Variants in PRKAR1A observed in about 807,000 individuals in gnomAD.
The protein encoded by PRKAR1A is protein kinase cAMP-dependent type I regulatory subunit alpha.
Under a neutral mutation model 52.0 loss-of-function variants are expected in PRKAR1A, and 3 were observed. That is an observed-to-expected ratio of 0.06 (90% CI 0.03 to 0.15). The LOEUF (loss-of-function observed/expected upper bound fraction) is 0.15, where lower values mean the gene tolerates loss of function less well. Among genes scored for constraint, PRKAR1A ranks in the 10% least tolerant of loss-of-function variants. PRKAR1A has a pLI of 1.00. For synonymous variants in PRKAR1A, 188 were observed against 168.4 expected (o/e 1.12, Z -0.90); for missense variants, 240 against 477.4 (o/e 0.50, Z 4.63).
At chr17:68,463,654 A>G in the PRKAR1A span, among the ~76,000 whole-genome samples, 1 of 152,098 alleles carries the variant, frequency 6.6e-6, no homozygotes, top group African/African-American at 2.4e-5. Flanking sequence ...GTGGGCAGGG[A>G]AGGCCCCACT....
chr17:68,501,101 CCTT>C, the PRKAR1A span, among the ~76,000 whole-genome samples: 26,098 of 152,074 alleles, frequency 0.17, 2,549 homozygotes, highest in African/African-American at 0.26. Context: ...GCATACTCCT[CCTT>C]GACGGTGGAT....
At chr17:68,500,440 A>G in the PRKAR1A span, among the ~76,000 whole-genome samples, 2 of 151,818 alleles carry the variant, frequency 1.3e-5, no homozygotes, top group African/African-American at 4.8e-5. Flanking sequence ...CATGATTGTG[A>G]GGCCTCCCAG....
chr17:68,479,477 G>A, the PRKAR1A span, among the ~76,000 whole-genome samples: 1,724 of 152,150 alleles, frequency 0.011, 37 homozygotes, highest in African/African-American at 0.038. Context: ...CATCAGTTTT[G>A]GATGCTATCA....
chr17:68,466,620 C>A, the PRKAR1A span, among the ~76,000 whole-genome samples: 38 of 151,928 alleles, frequency 2.5e-4, no homozygotes, highest in African/African-American at 8.7e-4. Context: ...CCATGTTGAC[C>A]AGGCTTCTCT....
the PRKAR1A span, among the ~76,000 whole-genome samples, chr17:68,444,873 C>T: frequency 1.3e-5 from 2 of 151,302 alleles, no homozygotes. Context: ...CTCCCTCCCT[C>T]TCTTCCTTCT....
chr17:68,416,527 G>A, the PRKAR1A span, among the ~76,000 whole-genome samples: 1 of 152,148 alleles, frequency 6.6e-6, no homozygotes, highest in South Asian at 2.1e-4. Context: ...AGCAAGGCCA[G>A]GGAAGTTTTC....
At chr17:68,486,561 CTT>C in the PRKAR1A span, among the ~76,000 whole-genome samples, 16 of 128,184 alleles carry the variant, frequency 1.2e-4, no homozygotes, top group African/African-American at 4.2e-4. Context: ...TTCTTTCTTT[CTT>C]TCTTTCTTCT....
At chr17:68,430,256 G>A in the PRKAR1A span, 12 of 1,255,374 alleles carry the variant, frequency 9.6e-6, no homozygotes, top group South Asian at 2.9e-5. Context: ...CACACTCCCC[G>A]CAGCAGGGAG....
At position 68,530,939 on chromosome 17, in the gene PRKAR1A, A is replaced by G. The variant is rs1042229326; in HGVS notation, c.*490A>G. 1.8e-6 allele frequency: 2 copies of G among 1,097,190 alleles called. No homozygotes were observed. The highest frequency in any genetic ancestry group is 3.2e-5 in the African/African-American group (2 of 62,016). 68.0% of individuals were successfully genotyped at this position (1,097,190 alleles called of 1,614,324 possible). A position where few individuals can be genotyped will look rare whatever the true frequency, so the allele number is the denominator to read the frequency against. On this transcript the variant is annotated 3_prime_UTR_variant, in exon 11 of 11. Coordinates refer to ENST00000589228, the MANE Select transcript of PRKAR1A (RefSeq NM_002734.5). ...TGGATATAGAAAATCTTAGTATAGT[A>G]GAAAGACATCTGCCTGTAATTAAAC...
chr17:68,514,757 A>G (rs952253278), intron 1 of PRKAR1A: 1 of 152,316 alleles, frequency 6.6e-6, no homozygotes, highest in Non-Finnish European at 1.5e-5. Flanking sequence ...CCACTAGTGT[A>G]TTATCATTTA....
chr17:68,538,694 G>C (rs1347128280), intron 11 of PRKAR1A, among the ~76,000 whole-genome samples: 1 of 152,206 alleles, frequency 6.6e-6, no homozygotes, highest in South Asian at 2.1e-4. Flanking sequence ...TATGAATGCT[G>C]GGCAAAGCAG....
At chr17:68,455,970 T>G in the PRKAR1A span, among the ~76,000 whole-genome samples, 1 of 152,214 alleles carries the variant, frequency 6.6e-6, no homozygotes, top group South Asian at 2.1e-4. Flanking sequence ...GGATTTTATC[T>G]ATACCAGCAT....
downstream of PRKAR1A, chr17:68,535,275 A>C (rs973685433): frequency 4.4e-6 from 2 of 454,048 alleles, no homozygotes; most frequent in Admixed American, 2.3e-5. Context: ...TTGAAAGATA[A>C]GTGAATAATA....
At chr17:68,445,541 A>C in the PRKAR1A span, among the ~76,000 whole-genome samples, 452 of 152,006 alleles carry the variant, frequency 3.0e-3, 4 homozygotes, top group African/African-American at 0.01. Context: ...CCACGTCCCC[A>C]CTGTTCCTTC....
intron 3 of PRKAR1A, 114 bp downstream of exon 3, chr17:68,523,040 C>T: frequency 7.7e-7 from 1 of 1,298,794 alleles, no homozygotes; most frequent in Non-Finnish European, 1.1e-6. Context: ...CTTCATCCAT[C>T]CTGTACAATT....
At chr17:68,494,022 T>C in the PRKAR1A span, among the ~76,000 whole-genome samples, 1 of 152,246 alleles carries the variant, frequency 6.6e-6, no homozygotes, top group African/African-American at 2.4e-5. Context: ...ACGTTGTGAA[T>C]AGTTTCTAGG....
chr17:68,418,923 T>C, the PRKAR1A span, among the ~76,000 whole-genome samples: 2 of 152,124 alleles, frequency 1.3e-5, no homozygotes, highest in Non-Finnish European at 2.9e-5. Flanking sequence ...TCTTGTAATT[T>C]TGAGGGCTAT....
chr17:68,524,336 G>A (rs994531104), intron 5 of PRKAR1A, among the ~76,000 whole-genome samples: 3 of 152,096 alleles, frequency 2.0e-5, no homozygotes, highest in Admixed American at 2.0e-4. Flanking sequence ...TACCTTGAAT[G>A]TCATATAGAA....
the PRKAR1A span, among the ~76,000 whole-genome samples, chr17:68,458,263 A>C: frequency 2.0e-5 from 3 of 152,218 alleles, no homozygotes. Flanking sequence ...GATTGTGCTC[A>C]ATATACAGAA....
Sources: gnomAD v4.1 joint callset for allele counts (sites outside exome capture counted in the v4.1 genomes callset) on GRCh38, gnomAD v4.1.1 for gene constraint, MANE v1.5 for transcripts, NCBI Gene and HGNC (gene_info 2026-07-23, HGNC 2026-07-21) for gene names.